KCNMB2: variants seen among roughly 807,000 people sequenced by gnomAD.
The protein encoded by KCNMB2 is calcium-activated potassium channel subunit beta-2.
KCNMB2 carries 9 observed loss-of-function variants against 24.5 expected under a neutral mutation model. The ratio of observed to expected loss-of-function variants is 0.37; its 90% CI spans 0.22 to 0.64. The LOEUF is 0.64. Ranked by LOEUF, KCNMB2 falls within the 30% of genes least tolerant of loss-of-function variation. The pLI, the probability that KCNMB2 is intolerant of heterozygous loss-of-function variation, is 0.63. For missense variants in KCNMB2, 226 were observed against 284.3 expected (o/e 0.79, Z 1.47); for synonymous variants, 109 against 104.4 (o/e 1.04, Z -0.27).
intron 1 of KCNMB2, among the ~76,000 whole-genome samples, chr3:178,603,279 C>T (rs143075705): frequency 3.3e-5 from 5 of 151,960 alleles, no homozygotes; most frequent in African/African-American, 1.2e-4. Context: ...TTACACAAAG[C>T]AGGTAGTTAA....
chr3:178,620,888 T>C (rs921856730), intron 1 of KCNMB2, among the ~76,000 whole-genome samples: 1 of 151,988 alleles, frequency 6.6e-6, no homozygotes, highest in Non-Finnish European at 1.5e-5. Flanking sequence ...CAGAGCAAAA[T>C]TAGTTAAGAG....
intron 1 of KCNMB2, among the ~76,000 whole-genome samples, chr3:178,714,588 AG>A (rs769827247): frequency 4.6e-5 from 7 of 152,348 alleles, no homozygotes; most frequent in East Asian, 1.9e-4. Context: ...GTGAATGACA[AG>A]GAACAGTGCG....
At chr3:178,709,486 T>C (rs553551717) in intron 1 of KCNMB2, among the ~76,000 whole-genome samples, 8 of 152,336 alleles carry the variant, frequency 5.3e-5, no homozygotes, top group Admixed American at 3.9e-4. Flanking sequence ...CAGCAGTCAC[T>C]GTCAGTGCTA....
intron 1 of KCNMB2, among the ~76,000 whole-genome samples, chr3:178,789,514 A>G (rs776650776): frequency 2.1e-4 from 32 of 152,236 alleles, no homozygotes; most frequent in Non-Finnish European, 4.0e-4. Flanking sequence ...AAAGGGTAGG[A>G]AAAACAGTCT....
rs1380032360 is a variant in KCNMB2 at position 178,807,202 on chromosome 3, C to G, written c.-67-141C>G. On this transcript the variant is annotated intron_variant, in intron 1 of 4. Coordinates refer to ENST00000452583, the MANE Select transcript of KCNMB2 (RefSeq NM_181361.3). ...AGAGAGGACCAGGCTCTAGTGTTTT[C>G]TTAAAAATTCCCAGTCAATTTTAAT... 6.5e-5 allele frequency: 30 copies of G among 463,982 alleles called. No homozygotes were observed. In the South Asian group the frequency reaches 9.9e-4, roughly 15 times the overall value. 28.7% of individuals were successfully genotyped at this position (463,982 alleles called of 1,614,324 possible). A position where few individuals can be genotyped will look rare whatever the true frequency, so the allele number is the denominator to read the frequency against.
chr3:178,796,382 A>G (rs1713541158), intron 1 of KCNMB2, among the ~76,000 whole-genome samples: 1 of 152,208 alleles, frequency 6.6e-6, no homozygotes, highest in South Asian at 2.1e-4. Flanking sequence ...ATTGGATTTA[A>G]TCTGCACTAT....
chr3:178,696,410 G>T (rs981242879), intron 1 of KCNMB2, among the ~76,000 whole-genome samples: 2 of 152,114 alleles, frequency 1.3e-5, no homozygotes, highest in Non-Finnish European at 2.9e-5. Flanking sequence ...TTCTCTGATG[G>T]TTGTTTGTAT....
At chr3:178,586,572 G>A (rs991363488) in intron 1 of KCNMB2, among the ~76,000 whole-genome samples, 3 of 98,692 alleles carry the variant, frequency 3.0e-5, no homozygotes, top group East Asian at 3.2e-4. Context: ...TTGAGACAGC[G>A]TCTCGCTCTG....
intron 1 of KCNMB2, among the ~76,000 whole-genome samples, chr3:178,670,330 C>A (rs1720858926): frequency 6.6e-6 from 1 of 152,008 alleles, no homozygotes; most frequent in Non-Finnish European, 1.5e-5. Context: ...ATCATTAACA[C>A]CAGTCACGAC....
chr3:178,763,545 A>C (rs1711996966), intron 1 of KCNMB2, among the ~76,000 whole-genome samples: 1 of 152,212 alleles, frequency 6.6e-6, no homozygotes, highest in South Asian at 2.1e-4. Flanking sequence ...TTGCATAGAG[A>C]ATCTTAGAAT....
Position 178,805,141 on chromosome 3 carries a change from A to G in KCNMB2, c.-67-2202A>G, listed in dbSNP as rs372173364. On this transcript the variant is annotated intron_variant, in intron 1 of 4. Transcript: ENST00000452583. Reference sequence around the variant, plus strand: ...ATTCCTGCCATTATCCTAGAACAAGAGTAGATGTATGAATTCTTGCATCTG... The same window carrying G: ...ATTCCTGCCATTATCCTAGAACAAGGGTAGATGTATGAATTCTTGCATCTG... 3.3e-4 allele frequency among the ~76,000 whole-genome samples: 50 copies of G among 152,306 alleles called. 1 individual carries two copies. The South Asian group carries it at 0.01, about 31-fold the overall frequency.
intron 1 of KCNMB2, among the ~76,000 whole-genome samples, chr3:178,571,738 G>A (rs551710754): frequency 3.3e-5 from 5 of 151,490 alleles, no homozygotes; most frequent in Admixed American, 2.0e-4. Flanking sequence ...CTGTGTCCAC[G>A]TGTTTTCATT....
intron 1 of KCNMB2, among the ~76,000 whole-genome samples, chr3:178,637,670 G>A (rs2108544977): frequency 6.6e-6 from 1 of 152,268 alleles, no homozygotes; most frequent in East Asian, 1.9e-4. Flanking sequence ...AGGGATAGAT[G>A]GTTTATGAAG....
At chr3:178,816,365 G>T (rs982858975) in intron 2 of KCNMB2, among the ~76,000 whole-genome samples, 4 of 151,450 alleles carry the variant, frequency 2.6e-5, no homozygotes, top group African/African-American at 9.7e-5. Flanking sequence ...TACTTATTTG[G>T]CCCTTTTCTA....
In KCNMB2 at chr3:178,808,189, C is replaced by T. The variant is rs948255236; in HGVS notation, c.56+724C>T. Among the ~76,000 whole-genome samples the T allele has an allele frequency of 2.6e-5, 4 of 152,172 alleles. No individual in the cohort carries two copies. The East Asian group carries it at 7.7e-4, about 29-fold the overall frequency. ...AAGACAAGATGACCTTTGTGCAACT[C>T]AATCCAGTCCTCTCACTTGGGTTTA... On this transcript the variant is annotated intron_variant, in intron 2 of 4. Coordinates refer to ENST00000452583, the MANE Select transcript of KCNMB2 (RefSeq NM_181361.3).
At chr3:178,555,686 A>AT (rs1418983318) in intron 1 of KCNMB2, among the ~76,000 whole-genome samples, 1 of 152,168 alleles carries the variant, frequency 6.6e-6, no homozygotes, top group East Asian at 1.9e-4. Context: ...ATGGGGAGGT[A>AT]TTTTTGTTTA....
Position 178,809,102 on chromosome 3 carries a change from T to C in KCNMB2, c.56+1637T>C, listed in dbSNP as rs1038789325. Among the ~76,000 whole-genome samples the C allele has an allele frequency of 3.9e-5, 6 of 152,234 alleles. No homozygotes were observed. The South Asian group carries it at 6.2e-4, about 16-fold the overall frequency. ...AGTTGAATCATCTTTCAGCAAGATC[T>C]TTTCTGTAACACTATAAAATTTCAT... On this transcript the variant is annotated intron_variant, in intron 2 of 4. Transcript: ENST00000452583.
intron 1 of KCNMB2, among the ~76,000 whole-genome samples, chr3:178,784,484 C>T (rs1250511308): frequency 1.3e-5 from 2 of 152,116 alleles, no homozygotes; most frequent in South Asian, 2.1e-4. Flanking sequence ...GTAGGAGATG[C>T]AAGCTCTTAA....
intron 1 of KCNMB2, among the ~76,000 whole-genome samples, chr3:178,568,597 A>G (rs1182148980): frequency 6.6e-6 from 1 of 152,154 alleles, no homozygotes; most frequent in Non-Finnish European, 1.5e-5. Flanking sequence ...CAGTACTTCA[A>G]AGCTCTTAAG....
Sources: gnomAD v4.1 joint callset for allele counts (sites outside exome capture counted in the v4.1 genomes callset) on GRCh38, gnomAD v4.1.1 for gene constraint, MANE v1.5 for transcripts, NCBI Gene and HGNC (gene_info 2026-07-23, HGNC 2026-07-21) for gene names.